Variants in BEND7 observed in about 807,000 individuals in gnomAD.
The protein encoded by BEND7 is BEN domain-containing protein 7.
Under a neutral mutation model 50.9 loss-of-function variants are expected in BEND7, and 28 were observed. The observed-to-expected ratio is 0.55, with a 90% CI of 0.41 to 0.75. BEND7 has a LOEUF of 0.75. Ranked by LOEUF, BEND7 falls within the 30% of genes least tolerant of loss-of-function variation. The pLI, the probability that BEND7 is intolerant of heterozygous loss-of-function variation, is 0.00. For synonymous variants in BEND7, 170 were observed against 183.9 expected, an observed-to-expected ratio of 0.92 and a Z score of 0.61; for missense variants, 477 against 491.3, an observed-to-expected ratio of 0.97 and a Z score of 0.28.
At chr10:13,519,975 G>C (rs1392031931) in intron 2 of BEND7, among the ~76,000 whole-genome samples, 1 of 152,192 alleles carries the variant, frequency 6.6e-6, no homozygotes, top group African/African-American at 2.4e-5. Flanking sequence ...TTCAGTGAGG[G>C]TGAAGAGCAA....
chr10:13,508,569 T>A (rs2078060592), intron 2 of BEND7, among the ~76,000 whole-genome samples: 1 of 152,082 alleles, frequency 6.6e-6, no homozygotes, highest in South Asian at 2.1e-4. Flanking sequence ...CACAAATATA[T>A]CTCCACGTGC....
chr10:13,485,165 A>C (rs914079584), intron 5 of BEND7, among the ~76,000 whole-genome samples: 1 of 152,204 alleles, frequency 6.6e-6, no homozygotes, highest in African/African-American at 2.4e-5. Flanking sequence ...TAATCGAAAG[A>C]ATACAAAGTA....
rs1159762450 is a variant in BEND7, at chr10:13,447,305, T to C, written c.1195A>G (p.Ser399Gly). ...RLKRGSEIAD[S>G]DERLDGIALP... Reference sequence around the variant, plus strand: ...GCAATGCCGTCCAGTCTTTCATCACTGTCCGCGATCTCTGCTGGTTACAAA... The same window carrying C: ...GCAATGCCGTCCAGTCTTTCATCACCGTCCGCGATCTCTGCTGGTTACAAA... Residue 399 changes from serine (S) to glycine (G), a missense_variant, in exon 8 of 9, where the codon AGT becomes GGT. Around this residue, in one of 3 missense-constraint regions of BEND7, gnomAD observed 64 missense variants for 68.5 expected, o/e 0.93. Transcript: ENST00000466271. The C allele has an allele frequency of 6.2e-7, 1 of 1,614,204 alleles. No homozygotes were observed. Among genetic ancestry groups the C allele is most frequent in the Non-Finnish European group, 8.5e-7 (1 of 1,180,032 alleles).
chr10:13,513,894 A>T (rs566729339), intron 2 of BEND7, among the ~76,000 whole-genome samples: 1 of 152,116 alleles, frequency 6.6e-6, no homozygotes, highest in East Asian at 1.9e-4. Flanking sequence ...TGCACATGAG[A>T]ACCACTGGGG....
chr10:13,526,790 A>G (rs1199557533), intron 1 of BEND7, among the ~76,000 whole-genome samples: 1 of 152,252 alleles, frequency 6.6e-6, no homozygotes, highest in Non-Finnish European at 1.5e-5. Context: ...CAGCTACTGC[A>G]CTTTATTTAA....
intron 7 of BEND7, among the ~76,000 whole-genome samples, chr10:13,452,236 G>T (rs1253350231): frequency 6.6e-6 from 1 of 152,136 alleles, no homozygotes; most frequent in Non-Finnish European, 1.5e-5. Context: ...GCAGACAGAA[G>T]CGAACCATAA....
Position 13,496,813 on chromosome 10 carries a change from A to G in BEND7, c.524T>C (p.Ile175Thr). 6.2e-7 allele frequency: 1 copy of G among 1,612,874 alleles called. No individual in the cohort carries two copies. The highest frequency in any genetic ancestry group is 8.5e-7 in the Non-Finnish European group (1 of 1,179,406). Residue 175 changes from isoleucine to threonine, a missense_variant, in exon 4 of 9, where the codon ATT becomes ACT. Ile to Thr is a moderately conservative substitution (Grantham distance 89). Around this residue, in one of 3 missense-constraint regions of BEND7, gnomAD observed 396 missense variants for 384.2 expected, o/e 1.03. Transcript: ENST00000466271. ...TCNCQSTLQAILQELKTMRKL... is the reference protein window; with the variant it reads ...TCNCQSTLQATLQELKTMRKL... ...CCTCATGGTCTTGAGTTCTTGTAGAATGGCCTGCAACGTTGACTGGCAGTT... is the reference window on the plus strand; with the variant it reads ...CCTCATGGTCTTGAGTTCTTGTAGAGTGGCCTGCAACGTTGACTGGCAGTT...
rs539402324 is a variant in BEND7, at chr10:13,519,956, G to A, written c.145+6182C>T. Among the ~76,000 whole-genome samples, 90 of 152,292 alleles carry A rather than the reference G, an allele frequency of 5.9e-4. 1 individual carries two copies. In the Middle Eastern group the frequency reaches 0.01, roughly 17 times the overall value. ...GGAATGATGTGATCAGTTTGACACAGCACATGTTTTCAGTGAGGGTGAAGA... is the reference window on the plus strand; with the variant it reads ...GGAATGATGTGATCAGTTTGACACAACACATGTTTTCAGTGAGGGTGAAGA... On this transcript the variant is annotated intron_variant, in intron 2 of 8. Transcript: ENST00000466271.
chr10:13,506,488 A>G (rs1324468789), intron 2 of BEND7, among the ~76,000 whole-genome samples: 3 of 152,230 alleles, frequency 2.0e-5, no homozygotes, highest in African/African-American at 7.2e-5. Flanking sequence ...GCTGGAGCGC[A>G]TAGTGAGGCC....
At chr10:13,509,496 C>G (rs1358859618) in intron 2 of BEND7, among the ~76,000 whole-genome samples, 1 of 152,174 alleles carries the variant, frequency 6.6e-6, no homozygotes, top group African/African-American at 2.4e-5. Flanking sequence ...CCCAGGAGCA[C>G]AGTTACGGTG....
chr10:13,518,615 C>T (rs1296735835), intron 2 of BEND7, among the ~76,000 whole-genome samples: 5 of 152,146 alleles, frequency 3.3e-5, no homozygotes, highest in African/African-American at 1.2e-4. Context: ...TGGTTTCCAA[C>T]ATGTCACTGG....
chr10:13,474,507 G>A (rs1189798600), intron 6 of BEND7, among the ~76,000 whole-genome samples: 2 of 151,364 alleles, frequency 1.3e-5, no homozygotes, highest in Admixed American at 6.6e-5. Flanking sequence ...ACCCGTCACC[G>A]CTGTTGGACT....
At chr10:13,449,829 T>C (rs967365534) in intron 7 of BEND7, among the ~76,000 whole-genome samples, 1 of 152,208 alleles carries the variant, frequency 6.6e-6, no homozygotes, top group South Asian at 2.1e-4. Flanking sequence ...GCTAGCTGCA[T>C]GAATAGGGGC....
chr10:13,439,245 C>T (rs370840168), downstream of BEND7: 3 of 1,614,082 alleles, frequency 1.9e-6, no homozygotes, highest in African/African-American at 4.0e-5. Flanking sequence ...GCGAATCCCT[C>T]TCTGATGATG....
chr10:13,498,366 C>A (rs2077188424), intron 3 of BEND7, among the ~76,000 whole-genome samples: 1 of 152,162 alleles, frequency 6.6e-6, no homozygotes. Context: ...CACGAGCCAC[C>A]ACGCCTAGCC....
Position 13,499,912 on chromosome 10 carries a change from G to T in BEND7, c.314C>A (p.Ala105Asp), listed in dbSNP as rs147003029. 544 of 1,614,180 alleles carry T rather than the reference G, an allele frequency of 3.4e-4. 1 individual carries two copies. Among genetic ancestry groups the T allele is most frequent in the Admixed American group, 8.5e-4 (51 of 60,034 alleles). The change falls in exon 3 of 9, where the codon GCC (alanine) becomes GAC (aspartate). Residue 105 changes from alanine to aspartate, a missense_variant. Ala to Asp is a moderately radical substitution (Grantham distance 126). Coordinates refer to ENST00000466271, the MANE Select transcript of BEND7 (RefSeq NM_001369863.1). ...TGAAGACGGGTGGAGGCTTTGCGGG[G>T]CCTCAGCAGAGGAGTTCAAACGTGG... ...WPPRLNSSAE[A>D]PQSLHPSSRG...
intron 6 of BEND7, among the ~76,000 whole-genome samples, chr10:13,463,454 CAT>C (rs1206128497): frequency 1.3e-5 from 2 of 152,084 alleles, no homozygotes; most frequent in South Asian, 2.1e-4. Context: ...CAAATGTAAA[CAT>C]GTGTGAGAGG....
Position 13,441,666 on chromosome 10 carries a change from C to A in BEND7, c.*77G>T. ...TCTTCTCCCTTCCCTTGGGTAGTAGCTCCTTGTGGGAGGCAGAGGACGGAT... is the reference window on the plus strand; with the variant it reads ...TCTTCTCCCTTCCCTTGGGTAGTAGATCCTTGTGGGAGGCAGAGGACGGAT... On this transcript the variant is annotated 3_prime_UTR_variant, in exon 9 of 9. Transcript: ENST00000466271. The A allele has an allele frequency of 1.2e-6, 2 of 1,608,366 alleles. No individual in the cohort carries two copies. The highest frequency in any genetic ancestry group is 2.2e-5 in the South Asian group (2 of 89,500).
At chr10:13,501,374 C>CAAAAAAAAAAAAAAAAAAAAAAAAAA (rs58905816) in intron 2 of BEND7, among the ~76,000 whole-genome samples, 1 of 72,968 alleles carries the variant, frequency 1.4e-5, no homozygotes. Context: ...AACTCCATCT[C>CAAAAAAAAAAAAAAAAAAAAAAAAAA]AAAAAAAAAA....
Sources: gnomAD v4.1 joint callset for allele counts (sites outside exome capture counted in the v4.1 genomes callset) on GRCh38, gnomAD v4.1.1 for gene constraint, gnomAD v4.1.1 regional missense constraint, MANE v1.5 for transcripts, NCBI Gene and HGNC (gene_info 2026-07-23, HGNC 2026-07-21) for gene names.